Variants in HIPK2 observed in about 807,000 individuals in gnomAD.
HIPK2 encodes homeodomain interacting protein kinase 2, also known as homeodomain-interacting protein kinase 2.
Under a neutral mutation model 113.7 loss-of-function variants are expected in HIPK2, and 27 were observed. The observed-to-expected ratio is 0.24, with a 90% CI of 0.17 to 0.33. The LOEUF is 0.33. HIPK2 is among the 10% of genes least tolerant of loss of function. The probability of loss-of-function intolerance (pLI) is 1.00; values close to 1 mark genes in which losing one functional copy is unlikely to be tolerated. For missense variants in HIPK2, 1,257 were observed against 1,588.0 expected (o/e 0.79, Z 3.54); for synonymous variants, 631 against 642.2 (o/e 0.98, Z 0.26).
At chr7:139,621,926 A>T (rs1396420924) in intron 6 of HIPK2, among the ~76,000 whole-genome samples, 7 of 89,326 alleles carry the variant, frequency 7.8e-5, no homozygotes, top group Admixed American at 6.7e-4. Context: ...CTGTCTCAGG[A>T]AAAAAAAAAA....
intron 9 of HIPK2, among the ~76,000 whole-genome samples, chr7:139,611,134 T>C (rs1205134021): frequency 1.3e-5 from 2 of 152,202 alleles, no homozygotes; most frequent in Non-Finnish European, 2.9e-5. Flanking sequence ...TTGTCTGTGG[T>C]CATTGGGTTG....
chr7:139,572,871 C>G lies in HIPK2; in HGVS notation c.*56G>C. On this transcript the variant is annotated 3_prime_UTR_variant, in exon 15 of 15. Coordinates refer to ENST00000406875, the MANE Select transcript of HIPK2 (RefSeq NM_022740.5). ...CCCAGGAGCGCCTCCCTCCTTCTCT[C>G]CCTCCTCCCTCGGGCCATTCTCTCC... 1.4e-6 allele frequency: 2 copies of G among 1,411,458 alleles called. No homozygotes were observed. Among genetic ancestry groups the G allele is most frequent in the Non-Finnish European group, 9.3e-7 (1 of 1,072,854 alleles). 87.4% of individuals were successfully genotyped at this position (1,411,458 alleles called of 1,614,324 possible).
rs139490518 is a variant in HIPK2, at chr7:139,586,735, G to T, written c.2718-2671C>A. 4.5e-3 allele frequency among the ~76,000 whole-genome samples: 687 copies of T among 151,970 alleles called. 6 individuals are homozygous for T. The highest frequency in any genetic ancestry group is 0.016 in the African/African-American group (645 of 41,418). The stretch of plus-strand genomic sequence containing the variant: ...GATCACACCACTGCACTCCAGCCTG[G>T]GTGTCAGAGTGAAACCCTGTCTCCA... On this transcript the variant is annotated intron_variant, in intron 12 of 14. Transcript: ENST00000406875.
intron 1 of HIPK2, among the ~76,000 whole-genome samples, chr7:139,718,986 C>T (rs984877842): frequency 6.6e-6 from 1 of 152,148 alleles, no homozygotes; most frequent in Non-Finnish European, 1.5e-5. Flanking sequence ...GGCCTTGTTT[C>T]AGCCCGTTCT....
At chr7:139,759,265 A>G (rs368315648) in intron 1 of HIPK2, among the ~76,000 whole-genome samples, 62 of 152,336 alleles carry the variant, frequency 4.1e-4, no homozygotes, top group African/African-American at 1.5e-3. Flanking sequence ...ACCAGCAAAA[A>G]TCCAAAAGTT....
At chr7:139,639,748 G>C (rs1004023181) in intron 2 of HIPK2, among the ~76,000 whole-genome samples, 5 of 152,226 alleles carry the variant, frequency 3.3e-5, no homozygotes, top group Non-Finnish European at 1.5e-5. Context: ...GCATGTAGGT[G>C]CTCCATACAC....
At chr7:139,687,930 C>T (rs562942574) in intron 2 of HIPK2, among the ~76,000 whole-genome samples, 49 of 152,296 alleles carry the variant, frequency 3.2e-4, no homozygotes, top group African/African-American at 9.4e-4. Flanking sequence ...GGCAAAGATC[C>T]TTGGGAAGAA....
At chr7:139,704,657 G>A (rs139391097) in intron 2 of HIPK2, among the ~76,000 whole-genome samples, 2 of 152,170 alleles carry the variant, frequency 1.3e-5, no homozygotes, top group African/African-American at 4.8e-5. Context: ...GTCTTCAGGG[G>A]AGTCTTAAAC....
chr7:139,619,723 A>C (rs1480749673), intron 7 of HIPK2, among the ~76,000 whole-genome samples: 2 of 152,102 alleles, frequency 1.3e-5, no homozygotes, highest in Non-Finnish European at 2.9e-5. Context: ...CAGTTCTAGA[A>C]TCTTTATTTT....
intron 12 of HIPK2, among the ~76,000 whole-genome samples, chr7:139,585,194 T>C (rs1798795179): frequency 2.0e-5 from 3 of 152,194 alleles, no homozygotes; most frequent in Non-Finnish European, 4.4e-5. Flanking sequence ...CGGAGCCTCA[T>C]AGAGTCACAG....
At chr7:139,746,386 G>A (rs574819559) in intron 1 of HIPK2, among the ~76,000 whole-genome samples, 1 of 152,126 alleles carries the variant, frequency 6.6e-6, no homozygotes, top group African/African-American at 2.4e-5. Flanking sequence ...GGGCCTAACA[G>A]TGCTCATCAC....
At chr7:139,710,810 CTTGTGA>C (rs974805030) in intron 2 of HIPK2, among the ~76,000 whole-genome samples, 8 of 152,136 alleles carry the variant, frequency 5.3e-5, no homozygotes, top group Non-Finnish European at 1.2e-4. Context: ...CCTTGCTGTT[CTTGTGA>C]TTGTGAGTTC....
chr7:139,716,887 C>T lies in HIPK2; in HGVS notation c.148G>A (p.Val50Met). 6.2e-7 allele frequency: 1 copy of T among 1,613,858 alleles called. No individual in the cohort carries two copies. Among genetic ancestry groups the T allele is most frequent in the South Asian group, 1.1e-5 (1 of 91,076 alleles). The change falls in exon 2 of 15, where the codon GTG (valine) becomes ATG (methionine). Residue 50 changes from valine to methionine, a missense_variant. By Grantham distance (21) the Val-to-Met change is conservative. Around this residue, in one of 5 missense-constraint regions of HIPK2, gnomAD observed 209 missense variants for 237.8 expected, o/e 0.88. Coordinates refer to ENST00000406875, the MANE Select transcript of HIPK2 (RefSeq NM_022740.5). This position sits in a 1 kb window ranked among gnomAD's most constrained non-coding sequence, Gnocchi z 9.3. ...DMTGYGSHSK[V>M]YSQSKNIPLS... ...GGGATGTTCTTGCTCTGGCTATACA[C>T]TTTGCTGTGGGAGCCGTACCCAGTC...
intron 2 of HIPK2, among the ~76,000 whole-genome samples, chr7:139,685,328 A>G (rs902969253): frequency 6.6e-6 from 1 of 152,126 alleles, no homozygotes; most frequent in African/African-American, 2.4e-5. Flanking sequence ...GCAACACCAC[A>G]GCCAGCTAAT....
Position 139,573,178 on chromosome 7 carries a change from T to A in HIPK2, c.3346A>T (p.Thr1116Ser). 6.2e-7 allele frequency: 1 copy of A among 1,601,920 alleles called. No individual in the cohort carries two copies. The highest frequency in any genetic ancestry group is 1.7e-4 in the Middle Eastern group (1 of 5,826). Residue 1116 changes from threonine (T) to serine (S), a missense_variant, in exon 15 of 15, where the codon ACC becomes TCC. Physicochemically the swap from Thr to Ser is moderately conservative, Grantham distance 58. Transcript: ENST00000406875. ...TAPAALGSTG[T>S]VAHLVASQGS... ...TGCGAGGCCACCAGGTGGGCCACGGTGCCGGTGGAGCCCAGGGCCGCCGGC... is the reference window on the plus strand; with the variant it reads ...TGCGAGGCCACCAGGTGGGCCACGGAGCCGGTGGAGCCCAGGGCCGCCGGC...
At position 139,564,323 on chromosome 7, in the gene HIPK2, C is replaced by A; in HGVS notation, c.*8604G>T. 1 of 173,362 alleles carries A rather than the reference C, an allele frequency of 5.8e-6. No homozygotes were observed. The allele number at this position is 173,362 out of a possible 1,614,324, so 10.7% of individuals were successfully genotyped here. A position where few individuals can be genotyped will look rare whatever the true frequency, so the allele number is the denominator to read the frequency against. ...ATCACCCCCGGCCCAGAAGTAGCAGCTGTGCCTTCATGGTCACCTGAATCC... is the reference window on the plus strand; with the variant it reads ...ATCACCCCCGGCCCAGAAGTAGCAGATGTGCCTTCATGGTCACCTGAATCC... On this transcript the variant is annotated 3_prime_UTR_variant, in exon 15 of 15. Coordinates refer to ENST00000406875, the MANE Select transcript of HIPK2 (RefSeq NM_022740.5).
In HIPK2 at chr7:139,722,124, A is replaced by G. The variant is rs2116981526; in HGVS notation, c.20-5109T>C. ...AGACACGAGTTCATGTGGTTGCTAC[A>G]GAAGTGATAAGTAAAAAGCACTGAA... On this transcript the variant is annotated intron_variant, in intron 1 of 14. Transcript: ENST00000406875. 5 of 318,554 alleles carry G rather than the reference A, an allele frequency of 1.6e-5. 1 individual carries two copies. Among genetic ancestry groups the G allele is most frequent in the South Asian group, 1.4e-4 (5 of 36,870 alleles). The allele number at this position is 318,554 out of a possible 1,614,324, so 19.7% of individuals were successfully genotyped here. A position where few individuals can be genotyped will look rare whatever the true frequency, so the allele number is the denominator to read the frequency against.
intron 9 of HIPK2, among the ~76,000 whole-genome samples, chr7:139,604,528 A>G (rs1359482619): frequency 2.0e-5 from 3 of 151,956 alleles, no homozygotes; most frequent in Admixed American, 2.0e-4. Context: ...AAAAATACAA[A>G]AAATTAGCTG....
Position 139,693,062 on chromosome 7 carries a change from G to A in HIPK2, c.1103+22870C>T, listed in dbSNP as rs544767671. 3.8e-3 allele frequency among the ~76,000 whole-genome samples: 565 copies of A among 148,350 alleles called. 4 individuals are homozygous for A. Among genetic ancestry groups the A allele is most frequent in the African/African-American group, 0.012 (488 of 41,152 alleles). ...ATGACAACAGTTCCTAACCCCAAGA[G>A]GAACAGAGACCAACCACTGTGAGAA... On this transcript the variant is annotated intron_variant, in intron 2 of 14. Coordinates refer to ENST00000406875, the MANE Select transcript of HIPK2 (RefSeq NM_022740.5).
Sources: allele counts gnomAD v4.1 joint callset (sites outside exome capture counted in the v4.1 genomes callset), GRCh38; gene constraint gnomAD v4.1.1; regional missense constraint gnomAD v4.1.1; non-coding constraint Gnocchi (gnomAD v3.1); transcripts MANE v1.5; gene names NCBI Gene and HGNC (gene_info 2026-07-23, HGNC 2026-07-21).